The following RBFOX1 variants were observed in gnomAD, a reference collection of about 807,000 sequenced individuals.
RBFOX1 encodes the protein RNA binding fox-1 homolog 1.
A neutral mutation model predicts 57.7 loss-of-function variants in RBFOX1; 8 were observed. That is an observed-to-expected ratio of 0.14 (90% CI 0.08 to 0.25). The LOEUF is 0.25. Ranked by LOEUF, RBFOX1 falls within the 10% of genes least tolerant of loss-of-function variation. RBFOX1 has a pLI of 1.00. For missense variants in RBFOX1, 611 were observed against 548.5 expected (o/e 1.11, Z -1.14); for synonymous variants, 326 against 222.4 (o/e 1.47, Z -4.15).
intron 4 of RBFOX1, among the ~76,000 whole-genome samples, chr16:5,952,949 G>C (rs984484632): frequency 6.6e-6 from 1 of 152,148 alleles, no homozygotes; most frequent in African/African-American, 2.4e-5. Context: ...TTTGGTTTTG[G>C]TTTTTACAAG....
intron 4 of RBFOX1, among the ~76,000 whole-genome samples, chr16:7,380,657 A>C (rs2097769301): frequency 6.6e-6 from 1 of 152,242 alleles, no homozygotes; most frequent in Non-Finnish European, 1.5e-5. Context: ...CTGATCATCC[A>C]AATGTTTTGT....
At chr16:5,657,591 A>G (rs2049469466) in intron 3 of RBFOX1, among the ~76,000 whole-genome samples, 1 of 151,336 alleles carries the variant, frequency 6.6e-6, no homozygotes, top group Admixed American at 6.6e-5. Context: ...TGAGGTCTGT[A>G]AATTCTTTCT....
At chr16:5,635,919 A>C (rs1283165256) in intron 3 of RBFOX1, among the ~76,000 whole-genome samples, 1 of 152,218 alleles carries the variant, frequency 6.6e-6, no homozygotes, top group Non-Finnish European at 1.5e-5. Flanking sequence ...TATCAAAACT[A>C]TTTAACATTC....
At chr16:5,278,924 C>A (rs528665774) in intron 1 of RBFOX1, among the ~76,000 whole-genome samples, 1 of 152,062 alleles carries the variant, frequency 6.6e-6, no homozygotes, top group Non-Finnish European at 1.5e-5. Context: ...TTTCTGGGTT[C>A]TTTGGTCTGT....
chr16:6,883,634 A>T (rs143561218), intron 3 of RBFOX1, among the ~76,000 whole-genome samples: 1 of 152,210 alleles, frequency 6.6e-6, no homozygotes, highest in African/African-American at 2.4e-5. Flanking sequence ...GAACTTTTCA[A>T]AGCTAGATTT....
At chr16:7,432,662 C>A (rs968267585) in intron 4 of RBFOX1, among the ~76,000 whole-genome samples, 3 of 152,176 alleles carry the variant, frequency 2.0e-5, no homozygotes, top group Non-Finnish European at 4.4e-5. Flanking sequence ...TAACTGTGTT[C>A]TAATAAAACT....
Position 5,919,029 on chromosome 16 carries a change from A to C in RBFOX1, c.351+51694A>C, listed in dbSNP as rs190287176. ...ACCATGGGATAATTTGCCTCTCAGG[A>C]AGGAATCATATATCCACGTCTTTCC... On this transcript the variant is annotated intron_variant, in intron 4 of 19. Coordinates refer to the RBFOX1 transcript ENST00000641259. Among the ~76,000 whole-genome samples the C allele has an allele frequency of 7.9e-3, 1,203 of 152,290 alleles. 18 individuals carry two copies. The highest frequency in any genetic ancestry group is 0.028 in the African/African-American group (1,153 of 41,554).
In RBFOX1 at chr16:5,627,847, A is replaced by C. The variant is rs114145012; in HGVS notation, c.318+28886A>C. Among the ~76,000 whole-genome samples, 905 of 152,344 alleles carry C rather than the reference A, an allele frequency of 5.9e-3. 8 individuals are homozygous for C. The highest frequency in any genetic ancestry group is 0.021 in the African/African-American group (860 of 41,580). ...TTCTATGCAAATACTGCACCATTTC[A>C]TATAAGGGGGTTGAGCATTCATGGA... On this transcript the variant is annotated intron_variant, in intron 3 of 19. Coordinates refer to the RBFOX1 transcript ENST00000641259.
chr16:7,189,597 A>AGACACACACAC (rs1236934164), intron 4 of RBFOX1, among the ~76,000 whole-genome samples: 1 of 151,482 alleles, frequency 6.6e-6, no homozygotes, highest in African/African-American at 2.4e-5. Flanking sequence ...ATACACACAC[A>AGACACACACAC]AAATAGAGCA....
chr16:6,492,096 CAT>C (rs1453225405), intron 2 of RBFOX1, among the ~76,000 whole-genome samples: 6 of 147,664 alleles, frequency 4.1e-5, no homozygotes, highest in East Asian at 2.0e-4. Context: ...GAAAAATAAA[CAT>C]AAATAGCAAG....
chr16:6,779,727 A>G (rs1201631093), intron 3 of RBFOX1, among the ~76,000 whole-genome samples: 1 of 86,316 alleles, frequency 1.2e-5, no homozygotes, highest in African/African-American at 6.3e-5. Context: ...ATATATTTAT[A>G]TATTTTTATA....
chr16:6,069,316 T>G (rs1321107133), intron 1 of RBFOX1, among the ~76,000 whole-genome samples: 2 of 149,540 alleles, frequency 1.3e-5, no homozygotes, highest in Non-Finnish European at 3.0e-5. Flanking sequence ...GAGAATCACT[T>G]GAACCTGGAA....
intron 4 of RBFOX1, among the ~76,000 whole-genome samples, chr16:7,442,136 A>G (rs1294986793): frequency 6.6e-6 from 1 of 152,074 alleles, no homozygotes; most frequent in African/African-American, 2.4e-5. Context: ...TGCTGGGCTG[A>G]ACATGATGCA....
At chr16:7,145,125 C>A (rs897821673) in intron 4 of RBFOX1, among the ~76,000 whole-genome samples, 1 of 152,212 alleles carries the variant, frequency 6.6e-6, no homozygotes, top group Non-Finnish European at 1.5e-5. Flanking sequence ...CTACAAGTCT[C>A]AGGATGGTTT....
chr16:6,843,908 G>C (rs1036968898), intron 3 of RBFOX1, among the ~76,000 whole-genome samples: 1 of 152,058 alleles, frequency 6.6e-6, no homozygotes, highest in African/African-American at 2.4e-5. Flanking sequence ...AAGAATATGG[G>C]GGGGAAATTA....
intron 4 of RBFOX1, among the ~76,000 whole-genome samples, chr16:7,448,530 TG>T (rs2098825999): frequency 6.6e-6 from 1 of 152,190 alleles, no homozygotes; most frequent in Non-Finnish European, 1.5e-5. Flanking sequence ...GAGAACAGCA[TG>T]GGGAAGACCC....
chr16:5,976,712 T>C (rs889170686), intron 4 of RBFOX1, among the ~76,000 whole-genome samples: 1 of 152,084 alleles, frequency 6.6e-6, no homozygotes, highest in Non-Finnish European at 1.5e-5. Context: ...CTACTAAAAA[T>C]ACAAAAATTC....
intron 2 of RBFOX1, among the ~76,000 whole-genome samples, chr16:6,332,930 CA>C (rs1411701877): frequency 6.6e-6 from 1 of 152,198 alleles, no homozygotes; most frequent in Admixed American, 6.5e-5. Context: ...CCTTACAGAA[CA>C]TGGGCCATTC....
chr16:6,473,427 C>G (rs1374894162), intron 2 of RBFOX1, among the ~76,000 whole-genome samples: 2 of 152,064 alleles, frequency 1.3e-5, no homozygotes, highest in Non-Finnish European at 2.9e-5. Flanking sequence ...CTGACTCACC[C>G]CCATTTCATC....
Sources: allele counts gnomAD v4.1 joint callset (sites outside exome capture counted in the v4.1 genomes callset), GRCh38; gene constraint gnomAD v4.1.1; transcripts MANE v1.5; gene names NCBI Gene and HGNC (gene_info 2026-07-23, HGNC 2026-07-21).